CPNE4: variants seen among roughly 807,000 people sequenced by gnomAD.
CPNE4 encodes copine 4.
In CPNE4, 25 loss-of-function variants were observed where a neutral mutation model predicts 67.9. That is an observed-to-expected ratio of 0.37 (90% CI 0.27 to 0.51). CPNE4 has a LOEUF of 0.51. Ranked by LOEUF, CPNE4 falls within the 20% of genes least tolerant of loss-of-function variation. The pLI is 0.93. For synonymous variants in CPNE4, 242 were observed against 244.9 expected (o/e 0.99, Z 0.11); for missense variants, 464 against 690.8 (o/e 0.67, Z 3.68).
chr3:131,573,998 T>C (rs77582739), intron 10 of CPNE4, among the ~76,000 whole-genome samples: 3,951 of 152,138 alleles, frequency 0.026, 164 homozygotes, highest in African/African-American at 0.089. Flanking sequence ...GAGAAGCTAG[T>C]TTAGTAAATG....
At chr3:131,600,329 G>T (rs1291408012) in intron 7 of CPNE4, among the ~76,000 whole-genome samples, 1 of 152,148 alleles carries the variant, frequency 6.6e-6, no homozygotes, top group African/African-American at 2.4e-5. Flanking sequence ...ATACATAGGA[G>T]AAGGGTATGG....
chr3:131,710,107 A>G (rs1308688726), intron 3 of CPNE4, among the ~76,000 whole-genome samples: 1 of 152,250 alleles, frequency 6.6e-6, no homozygotes, highest in Non-Finnish European at 1.5e-5. Flanking sequence ...CAATAAGTGG[A>G]TAAAGAATCC....
intron 1 of CPNE4, among the ~76,000 whole-genome samples, chr3:131,905,834 C>T (rs1365954260): frequency 6.6e-6 from 1 of 152,140 alleles, no homozygotes; most frequent in Non-Finnish European, 1.5e-5. Context: ...AATCACATCT[C>T]AAGTTTTCAA....
intron 2 of CPNE4, among the ~76,000 whole-genome samples, chr3:131,894,050 A>G (rs921634603): frequency 3.3e-5 from 5 of 151,952 alleles, no homozygotes; most frequent in Non-Finnish European, 7.4e-5. Context: ...GATAAAATTG[A>G]CAAAACCTTT....
At chr3:131,768,715 T>C (rs1294748447) in intron 2 of CPNE4, among the ~76,000 whole-genome samples, 1 of 152,110 alleles carries the variant, frequency 6.6e-6, no homozygotes, top group African/African-American at 2.4e-5. Context: ...TTTGCCTTGT[T>C]TTTTTATCCT....
rs72056306 is a variant in CPNE4 at position 131,880,130 on chromosome 3, A to ATTT, written c.180+25133_180+25134insAAA. On this transcript the variant is annotated intron_variant, in intron 2 of 15. Coordinates refer to ENST00000429747, the MANE Select transcript of CPNE4 (RefSeq NM_130808.3). ...TGGCATATAGTATATATATATATAC[A>ATTT]TATTTTTTTTTTTTGAGACGGAGTT... Among the ~76,000 whole-genome samples the ATTT allele has an allele frequency of 5.8e-3, 846 of 146,096 alleles. 17 individuals are homozygous for ATTT. Among genetic ancestry groups the ATTT allele is most frequent in the African/African-American group, 0.02 (787 of 39,128 alleles).
chr3:131,743,732 A>G (rs184425905), intron 2 of CPNE4, among the ~76,000 whole-genome samples: 1 of 152,250 alleles, frequency 6.6e-6, no homozygotes, highest in East Asian at 1.9e-4. Context: ...TAAAGTAACT[A>G]TAAGCAAATA....
intron 7 of CPNE4, among the ~76,000 whole-genome samples, 187 bp from the exon 8 acceptor site, chr3:131,587,769 T>A (rs1212570397): frequency 6.6e-6 from 1 of 152,238 alleles, no homozygotes; most frequent in Non-Finnish European, 1.5e-5. Context: ...GGACTTTTTG[T>A]AATCTGCAAA....
intron 1 of CPNE4, among the ~76,000 whole-genome samples, chr3:131,995,484 C>A (rs2073268792): frequency 6.6e-6 from 1 of 152,100 alleles, no homozygotes; most frequent in Non-Finnish European, 1.5e-5. Context: ...TGCATCCGAC[C>A]ATGAGAGCAG....
chr3:131,893,521 C>T (rs931824485), intron 2 of CPNE4, among the ~76,000 whole-genome samples: 6 of 151,974 alleles, frequency 3.9e-5, no homozygotes, highest in Non-Finnish European at 8.8e-5. Flanking sequence ...CTGAAGAATA[C>T]ACTTTATTCT....
At chr3:131,874,351 G>A (rs1216322690) in intron 2 of CPNE4, among the ~76,000 whole-genome samples, 2 of 152,164 alleles carry the variant, frequency 1.3e-5, no homozygotes, top group South Asian at 2.1e-4. Flanking sequence ...GCCTCCCAAA[G>A]TGCTGGGATT....
At chr3:131,700,715 A>G (rs11715785) in intron 3 of CPNE4, among the ~76,000 whole-genome samples, 1 of 152,098 alleles carries the variant, frequency 6.6e-6, no homozygotes, top group Admixed American at 6.5e-5. Flanking sequence ...AACTAGAAAT[A>G]CCATTTGACC....
chr3:131,901,554 A>G (rs1436475038), intron 2 of CPNE4, among the ~76,000 whole-genome samples: 1 of 152,068 alleles, frequency 6.6e-6, no homozygotes, highest in African/African-American at 2.4e-5. Flanking sequence ...CCTAATGAAA[A>G]TATTTCCGGC....
chr3:131,924,347 G>A (rs1420718800), intron 1 of CPNE4, among the ~76,000 whole-genome samples: 1 of 152,146 alleles, frequency 6.6e-6, no homozygotes, highest in Non-Finnish European at 1.5e-5. Context: ...ATTCAGCCGT[G>A]AACTTAGCTC....
intron 3 of CPNE4, among the ~76,000 whole-genome samples, chr3:131,708,498 T>G (rs1193314960): frequency 6.6e-6 from 1 of 152,016 alleles, no homozygotes; most frequent in African/African-American, 2.4e-5. Flanking sequence ...GATGGAGGAA[T>G]GTATAAAGAA....
intron 1 of CPNE4, among the ~76,000 whole-genome samples, chr3:131,949,117 T>C (rs1163234398): frequency 6.6e-6 from 1 of 152,194 alleles, no homozygotes; most frequent in Non-Finnish European, 1.5e-5. Context: ...GAGCCTTGAA[T>C]CTAGAGCACA....
At chr3:131,795,005 C>G (rs2083881372) in intron 2 of CPNE4, among the ~76,000 whole-genome samples, 1 of 152,186 alleles carries the variant, frequency 6.6e-6, no homozygotes, top group Admixed American at 6.5e-5. Context: ...CGTGGCTTAG[C>G]CATGGCAGTA....
At chr3:131,794,880 C>G (rs990375935) in intron 2 of CPNE4, among the ~76,000 whole-genome samples, 10 of 152,154 alleles carry the variant, frequency 6.6e-5, no homozygotes, top group African/African-American at 1.9e-4. Flanking sequence ...AACTCAGTCC[C>G]TCACCAAGGC....
In CPNE4 at chr3:131,642,665, C is replaced by T. The variant is rs2079568733; in HGVS notation, c.681+27010G>A. On this transcript the variant is annotated intron_variant, in intron 7 of 15. Transcript: ENST00000429747. ...GGGCAGTTACCCCCATGCTGCTGTT[C>T]TCATAATAGTGAGAAAATTCTTATG... Among the ~76,000 whole-genome samples the T allele has an allele frequency of 2.0e-5, 3 of 152,104 alleles. No individual in the cohort carries two copies. In the South Asian group the frequency reaches 6.2e-4, roughly 32 times the overall value.
Sources: allele counts gnomAD v4.1 joint callset (sites outside exome capture counted in the v4.1 genomes callset), GRCh38; gene constraint gnomAD v4.1.1; transcripts MANE v1.5; gene names NCBI Gene and HGNC (gene_info 2026-07-23, HGNC 2026-07-21).